Variants in TMEM132B observed in about 807,000 individuals in gnomAD.
TMEM132B encodes the protein transmembrane protein 132B.
TMEM132B carries 18 observed loss-of-function variants against 90.8 expected under a neutral mutation model. The ratio of observed to expected loss-of-function variants is 0.20; its 90% CI spans 0.14 to 0.29. The LOEUF is 0.29. TMEM132B is among the 10% of genes least tolerant of loss of function. TMEM132B has a pLI of 1.00. For missense variants in TMEM132B, 1,096 were observed against 1,326.8 expected (o/e 0.83, Z 2.70); for synonymous variants, 504 against 523.3 (o/e 0.96, Z 0.50).
At chr12:125,608,683 ATAT>A (rs1364213655) in intron 5 of TMEM132B, among the ~76,000 whole-genome samples, 1 of 152,180 alleles carries the variant, frequency 6.6e-6, no homozygotes, top group Non-Finnish European at 1.5e-5. Context: ...TTTTCTTCTA[ATAT>A]TGTATAGTTT....
At chr12:125,515,377 C>A (rs550126314) in intron 3 of TMEM132B, among the ~76,000 whole-genome samples, 1 of 126,282 alleles carries the variant, frequency 7.9e-6, no homozygotes, top group Non-Finnish European at 1.6e-5. Flanking sequence ...TTCACTCACA[C>A]CTCTTTCACA....
At chr12:125,548,412 T>C (rs1397568294) in intron 4 of TMEM132B, among the ~76,000 whole-genome samples, 1 of 152,310 alleles carries the variant, frequency 6.6e-6, no homozygotes, top group East Asian at 1.9e-4. Context: ...TATTAAAAAA[T>C]GATTGAGTCT....
chr12:125,260,922 T>TTGTG (rs60739492), intron 1 of TMEM132B, among the ~76,000 whole-genome samples: 74,820 of 148,036 alleles, frequency 0.51, 19,759 homozygotes, highest in Non-Finnish European at 0.59. Flanking sequence ...TCTCTACAGA[T>TTGTG]TGTGTGTGTG....
In TMEM132B at chr12:125,415,582, G is replaced by A. The variant is rs1414418460; in HGVS notation, c.1011G>A (p.Glu337=). The change falls in exon 3 of 9, where the codon GAG becomes GAA. Residue 337 remains glutamate, a synonymous_variant. Transcript: ENST00000682704. This position sits in a 1 kb window ranked among gnomAD's most constrained non-coding sequence, Gnocchi z 5.3. ...TAACGGCAGTGAGAGTCAGCAGTGA[G>A]GACCAATGGGCAGTCCAGGAGGAAA... is the stretch of plus-strand genomic sequence containing the variant. ...VKITAVRVSS[E]DQWAVQEEID... 2 of 1,614,210 alleles carry A rather than the reference G, an allele frequency of 1.2e-6. No homozygotes were observed. Among genetic ancestry groups the A allele is most frequent in the Non-Finnish European group, 1.7e-6 (2 of 1,180,046 alleles).
chr12:125,607,204 C>A (rs1180529013), intron 5 of TMEM132B, among the ~76,000 whole-genome samples: 1 of 152,038 alleles, frequency 6.6e-6, no homozygotes, highest in Admixed American at 6.5e-5. Flanking sequence ...AGTGTAATAC[C>A]CTTCAATGTG....
chr12:125,231,883 G>A (rs1298277935), intron 1 of TMEM132B, among the ~76,000 whole-genome samples: 3 of 137,864 alleles, frequency 2.2e-5, no homozygotes, highest in African/African-American at 7.8e-5. Flanking sequence ...CTTCTTTTGT[G>A]TCCCCCCCCC....
intron 1 of TMEM132B, among the ~76,000 whole-genome samples, chr12:125,300,550 G>T (rs995164005): frequency 1.3e-5 from 2 of 152,194 alleles, no homozygotes; most frequent in Non-Finnish European, 2.9e-5. Flanking sequence ...CTAAGGCCCT[G>T]TCTGAGCAAA....
intron 1 of TMEM132B, among the ~76,000 whole-genome samples, chr12:125,245,279 C>G (rs1277186842): frequency 1.4e-5 from 2 of 145,478 alleles, no homozygotes; most frequent in Non-Finnish European, 3.0e-5. Context: ...GGCAGCCCCC[C>G]ACTGCAGTTC....
chr12:125,360,181 G>A (rs145537416), intron 2 of TMEM132B, among the ~76,000 whole-genome samples: 1 of 152,250 alleles, frequency 6.6e-6, no homozygotes, highest in African/African-American at 2.4e-5. Flanking sequence ...TTTCCTACAT[G>A]TAAGATAACA....
chr12:125,258,934 C>G (rs1451066252), intron 1 of TMEM132B, among the ~76,000 whole-genome samples: 2 of 152,082 alleles, frequency 1.3e-5, no homozygotes, highest in Admixed American at 1.3e-4. Flanking sequence ...AAAGAGTGAT[C>G]CAGGCAGCGG....
intron 4 of TMEM132B, among the ~76,000 whole-genome samples, chr12:125,554,072 G>A (rs1483832006): frequency 2.0e-5 from 3 of 152,146 alleles, no homozygotes; most frequent in Non-Finnish European, 2.9e-5. Context: ...TTAGCATATT[G>A]TAATTTAAAA....
At chr12:125,388,955 ATC>A (rs1878925838) in intron 2 of TMEM132B, among the ~76,000 whole-genome samples, 1 of 151,794 alleles carries the variant, frequency 6.6e-6, no homozygotes, top group African/African-American at 2.4e-5. Context: ...AAAAGCCAAG[ATC>A]TCTCCCATTC....
At chr12:125,242,963 G>A (rs915662539) in intron 1 of TMEM132B, among the ~76,000 whole-genome samples, 2 of 146,616 alleles carry the variant, frequency 1.4e-5, no homozygotes, top group African/African-American at 5.0e-5. Flanking sequence ...TTTAGAATCG[G>A]GGTACATGTG....
At chr12:125,380,368 T>C (rs1878643644) in intron 2 of TMEM132B, among the ~76,000 whole-genome samples, 1 of 152,204 alleles carries the variant, frequency 6.6e-6, no homozygotes, top group Non-Finnish European at 1.5e-5. Flanking sequence ...CAGGATGATT[T>C]CATCTTGAGA....
At chr12:125,326,717 T>C in intron 1 of TMEM132B, 1 of 1,588,172 alleles carries the variant, frequency 6.3e-7, no homozygotes, top group Non-Finnish European at 8.6e-7. Context: ...AGGACAGGGA[T>C]GGGACCAGAC....
chr12:125,481,265 G>T (rs1361958148), intron 3 of TMEM132B, among the ~76,000 whole-genome samples: 1 of 152,118 alleles, frequency 6.6e-6, no homozygotes, highest in African/African-American at 2.4e-5. Flanking sequence ...GGGCAATCAG[G>T]CAAGAGAAAG....
chr12:125,547,037 C>T (rs892145280), intron 4 of TMEM132B, among the ~76,000 whole-genome samples: 30 of 152,282 alleles, frequency 2.0e-4, no homozygotes, highest in African/African-American at 6.5e-4. Context: ...AGAACTAATT[C>T]ACTATCATGA....
intron 3 of TMEM132B, among the ~76,000 whole-genome samples, chr12:125,435,436 C>G (rs566102281): frequency 1.3e-4 from 20 of 152,220 alleles, no homozygotes; most frequent in Admixed American, 1.3e-3. Context: ...AAGTTTTCTG[C>G]AGGGGGAGGG....
chr12:125,587,839 A>G (rs1885216304), intron 5 of TMEM132B: 1 of 152,206 alleles, frequency 6.6e-6, no homozygotes, highest in Non-Finnish European at 1.5e-5. Context: ...GAAGAACAAT[A>G]AAAAATTGGG....
Sources: gnomAD v4.1 joint callset for allele counts (sites outside exome capture counted in the v4.1 genomes callset) on GRCh38, gnomAD v4.1.1 for gene constraint, Gnocchi (gnomAD v3.1) non-coding constraint, MANE v1.5 for transcripts, NCBI Gene and HGNC (gene_info 2026-07-23, HGNC 2026-07-21) for gene names.